GLIPR1L2: variants seen among roughly 807,000 people sequenced by gnomAD.
GLIPR1L2 encodes the protein GLIPR1-like protein 2.
A neutral mutation model predicts 28.4 loss-of-function variants in GLIPR1L2; 21 were observed. That is an observed-to-expected ratio of 0.74 (90% CI 0.52 to 1.06). The LOEUF (loss-of-function observed/expected upper bound fraction) is 1.06. Among genes scored for constraint, GLIPR1L2 ranks in the 50% least tolerant of loss-of-function variants. The pLI is 0.00. For synonymous variants in GLIPR1L2, 145 were observed against 139.3 expected (o/e 1.04, Z -0.29); for missense variants, 476 against 416.9 (o/e 1.14, Z -1.23).
At chr12:75,410,711 A>G (rs1407795481) in intron 2 of GLIPR1L2, 32 bp downstream of exon 2, 2 of 1,479,096 alleles carry the variant, frequency 1.4e-6, no homozygotes, top group African/African-American at 1.4e-5. Context: ...ATTAATTCAA[A>G]CACTTCTTAA....
intron 3 of GLIPR1L2, among the ~76,000 whole-genome samples, chr12:75,415,712 T>TGAGCCATGTGTTGTCTCTTCTTCTG (rs1198457129): frequency 2.6e-5 from 4 of 152,128 alleles, no homozygotes; most frequent in Non-Finnish European, 5.9e-5. Flanking sequence ...TTGCTGGCTC[T>TGAGCCATGTGTTGTCTCTTCTTCTG]GAGCCATGTG....
chr12:75,391,135 TTCGC>T lies in GLIPR1L2; in HGVS notation c.20_23del (p.Phe7SerfsTer13). 6.2e-7 allele frequency: 1 copy of T among 1,613,794 alleles called. No individual in the cohort carries two copies. Among genetic ancestry groups the T allele is most frequent in the Non-Finnish European group, 8.5e-7 (1 of 1,179,894 alleles). On this transcript the variant is annotated frameshift_variant, in exon 1 of 6. Transcript: ENST00000550916. LOFTEE classifies it high-confidence loss of function. ...GTGGACCATGGAGGCCGCAAGGCCC[TTCGC>T]CCGGGAGTGGAGGGCCCAGTCCCTA... is the stretch of plus-strand genomic sequence containing the variant.
In GLIPR1L2 at chr12:75,422,749, G is replaced by A. The variant is rs180988967; in HGVS notation, c.585-155G>A. 1.5e-3 allele frequency among the ~76,000 whole-genome samples: 224 copies of A among 152,280 alleles called. 3 individuals are homozygous for A. Among genetic ancestry groups the A allele is most frequent in the East Asian group, 5.8e-4 (3 of 5,184 alleles). ...GACCGTTTCCTAGGGGAGAACAAAA[G>A]GGAAACATTGAATCTCTAATTAAAG... On this transcript the variant is annotated intron_variant, in intron 3 of 5. Transcript: ENST00000550916.
intron 1 of GLIPR1L2, among the ~76,000 whole-genome samples, chr12:75,391,970 C>T (rs1414460808): frequency 1.3e-5 from 2 of 151,712 alleles, no homozygotes; most frequent in African/African-American, 4.8e-5. Flanking sequence ...CCTTACCTTA[C>T]AATGCGGTTC....
chr12:75,418,603 C>T (rs1242197384), intron 3 of GLIPR1L2, among the ~76,000 whole-genome samples: 2 of 152,084 alleles, frequency 1.3e-5, no homozygotes, highest in African/African-American at 2.4e-5. Context: ...AGTTTGAAGT[C>T]GGGTAACGTG....
intron 4 of GLIPR1L2, 95 bp downstream of exon 4, chr12:75,423,084 T>C (rs1244629198): frequency 6.3e-7 from 1 of 1,596,534 alleles, no homozygotes; most frequent in Non-Finnish European, 8.5e-7. Context: ...CATGTTAATA[T>C]TATTCCTTTG....
chr12:75,426,148 T>C (rs568964815), intron 4 of GLIPR1L2, among the ~76,000 whole-genome samples: 14 of 152,326 alleles, frequency 9.2e-5, no homozygotes, highest in African/African-American at 3.4e-4. Flanking sequence ...GTGCACACTA[T>C]GTGCCAGGAA....
At chr12:75,418,818 T>G (rs1202838169) in intron 3 of GLIPR1L2, among the ~76,000 whole-genome samples, 1 of 152,202 alleles carries the variant, frequency 6.6e-6, no homozygotes, top group Non-Finnish European at 1.5e-5. Flanking sequence ...GAGTTTGGAA[T>G]GTTTTCCCAT....
chr12:75,424,991 G>T (rs1397473805), intron 4 of GLIPR1L2, among the ~76,000 whole-genome samples: 1 of 152,106 alleles, frequency 6.6e-6, no homozygotes, highest in African/African-American at 2.4e-5. Context: ...GGATCCACAC[G>T]AGATGCAGTG....
intron 1 of GLIPR1L2, among the ~76,000 whole-genome samples, chr12:75,405,390 G>A (rs1425781707): frequency 2.0e-5 from 3 of 152,128 alleles, no homozygotes; most frequent in Non-Finnish European, 4.4e-5. Context: ...TGTTTTGAAG[G>A]AAGGGTAACA....
intron 1 of GLIPR1L2, among the ~76,000 whole-genome samples, chr12:75,405,431 A>G (rs898929397): frequency 2.0e-5 from 3 of 152,170 alleles, no homozygotes; most frequent in African/African-American, 7.2e-5. Context: ...CCCTGCCTCT[A>G]GTGAGCAAGG....
intron 1 of GLIPR1L2, among the ~76,000 whole-genome samples, chr12:75,400,674 T>A (rs2045730807): frequency 1.3e-5 from 2 of 152,146 alleles, no homozygotes; most frequent in Non-Finnish European, 2.9e-5. Flanking sequence ...TTCAAAAAAA[T>A]TATTTTTAAA....
chr12:75,393,688 A>G (rs1182863562), intron 1 of GLIPR1L2, among the ~76,000 whole-genome samples: 1 of 152,060 alleles, frequency 6.6e-6, no homozygotes, highest in Non-Finnish European at 1.5e-5. Context: ...TGTTGTGAAT[A>G]ATACTGCTAT....
intron 3 of GLIPR1L2, 25 bp from the exon 4 acceptor site, chr12:75,422,875 CTAAA>C (rs2045991478): frequency 6.4e-7 from 1 of 1,561,314 alleles, no homozygotes; most frequent in African/African-American, 1.4e-5. Flanking sequence ...CTTATTCTAA[CTAAA>C]TGTTTTCTGC....
intron 1 of GLIPR1L2, among the ~76,000 whole-genome samples, chr12:75,395,298 T>A (rs2045671430): frequency 6.6e-6 from 1 of 152,090 alleles, no homozygotes; most frequent in South Asian, 2.1e-4. Context: ...TCATGTATAA[T>A]TCTTTTAATG....
intron 1 of GLIPR1L2, 28 bp downstream of exon 1, chr12:75,391,378 C>T (rs1194367989): frequency 1.2e-6 from 2 of 1,607,484 alleles, no homozygotes; most frequent in African/African-American, 1.3e-5. Context: ...TTTGCCGACC[C>T]TTCCACTACC....
chr12:75,392,369 C>T (rs1593992799), intron 1 of GLIPR1L2, among the ~76,000 whole-genome samples: 1 of 152,134 alleles, frequency 6.6e-6, no homozygotes, highest in African/African-American at 2.4e-5. Flanking sequence ...GAATAAATTA[C>T]AAAAATGGTC....
At chr12:75,426,919 G>A (rs1294596818) in intron 4 of GLIPR1L2, among the ~76,000 whole-genome samples, 1 of 152,058 alleles carries the variant, frequency 6.6e-6, no homozygotes, top group Non-Finnish European at 1.5e-5. Context: ...TAAACTAAAG[G>A]ATGACATTCA....
chr12:75,391,396 C>G (rs373301010), intron 1 of GLIPR1L2, 46 bp downstream of exon 1: 5 of 1,603,920 alleles, frequency 3.1e-6, no homozygotes, highest in Non-Finnish European at 4.3e-6. Flanking sequence ...ACCGTTGCCA[C>G]AACGCCTCCC....
Sources: allele counts gnomAD v4.1 joint callset (sites outside exome capture counted in the v4.1 genomes callset), GRCh38; gene constraint gnomAD v4.1.1; transcripts MANE v1.5; gene names NCBI Gene and HGNC (gene_info 2026-07-23, HGNC 2026-07-21).